The following EML1 variants were observed in gnomAD, a reference collection of about 807,000 sequenced individuals.
The protein encoded by EML1 is echinoderm microtubule-associated protein-like 1.
In EML1, 27 loss-of-function variants were observed where a neutral mutation model predicts 110.4. The observed-to-expected ratio is 0.24, with a 90% CI of 0.18 to 0.34. The LOEUF is 0.34. Among genes scored for constraint, EML1 ranks in the 10% least tolerant of loss-of-function variants. The pLI is 1.00. For missense variants in EML1, 741 were observed against 1,030.9 expected, an observed-to-expected ratio of 0.72 and a Z score of 3.85; for synonymous variants, 344 against 385.8, an observed-to-expected ratio of 0.89 and a Z score of 1.27.
intron 1 of EML1, among the ~76,000 whole-genome samples, chr14:99,754,828 C>T (rs1400416654): frequency 6.6e-6 from 1 of 152,172 alleles, no homozygotes; most frequent in African/African-American, 2.4e-5. Context: ...CCAGGTCATG[C>T]CTGTGAAGCT....
chr14:99,904,386 C>A (rs755372470), intron 9 of EML1, among the ~76,000 whole-genome samples: 1 of 152,048 alleles, frequency 6.6e-6, no homozygotes, highest in Non-Finnish European at 1.5e-5. Flanking sequence ...AAAAAAAAAT[C>A]CACATTTCCA....
upstream of EML1, among the ~76,000 whole-genome samples, chr14:99,768,379 C>T (rs1231271328): frequency 6.6e-6 from 1 of 152,156 alleles, no homozygotes. Context: ...GGGGTGGTGA[C>T]GTCTGTGGCA....
chr14:99,869,411 T>C lies in EML1; in HGVS notation c.383+3765T>C, dbSNP rs572310123. ...ACTTAATCCATAAATGTGGTTTGTG[T>C]CCTGACTCCTCTGCCCATTGTTTCC... On this transcript the variant is annotated intron_variant, in intron 3 of 21. Coordinates refer to ENST00000262233, the MANE Select transcript of EML1 (RefSeq NM_004434.3). Among the ~76,000 whole-genome samples, 80 of 152,302 alleles carry C rather than the reference T, an allele frequency of 5.3e-4. 1 individual carries two copies. Among genetic ancestry groups the C allele is most frequent in the African/African-American group, 1.9e-3 (78 of 41,564 alleles).
At chr14:99,908,549 C>T (rs960452907) in intron 10 of EML1, among the ~76,000 whole-genome samples, 8 of 152,194 alleles carry the variant, frequency 5.3e-5, no homozygotes, top group Non-Finnish European at 1.0e-4. Context: ...TGTTTAAGTT[C>T]TTCTTGCTAC....
At chr14:99,796,494 T>C (rs2139672375) in intron 1 of EML1, among the ~76,000 whole-genome samples, 1 of 151,600 alleles carries the variant, frequency 6.6e-6, no homozygotes, top group Middle Eastern at 3.4e-3. Context: ...CACAAGCTTT[T>C]TTTTTTTTTT....
At chr14:99,810,795 T>C (rs1316015270) in intron 1 of EML1, among the ~76,000 whole-genome samples, 2 of 152,228 alleles carry the variant, frequency 1.3e-5, no homozygotes, top group African/African-American at 4.8e-5. Context: ...ACATATTACA[T>C]GTTTCAAAAT....
Position 99,894,690 on chromosome 14 carries a change from T to C in EML1, c.609T>C (p.Asp203=). The change falls in exon 6 of 22, where the codon GAT becomes GAC. Residue 203 remains aspartate (D), a synonymous_variant. Coordinates refer to ENST00000262233, the MANE Select transcript of EML1 (RefSeq NM_004434.3). Reference sequence around the variant, plus strand: ...CTGTTACCATGTACATGCCCAAAGATCAAGTGGATTCTTACAGCTTGGAAG... The same window carrying C: ...CTGTTACCATGTACATGCCCAAAGACCAAGTGGATTCTTACAGCTTGGAAG... ...GRPVTMYMPK[D]QVDSYSLEAK... The C allele has an allele frequency of 6.2e-7, 1 of 1,613,864 alleles. No individual in the cohort carries two copies. The highest frequency in any genetic ancestry group is 8.5e-7 in the Non-Finnish European group (1 of 1,179,890).
intron 1 of EML1, among the ~76,000 whole-genome samples, chr14:99,847,845 G>A (rs1374558896): frequency 6.6e-6 from 1 of 150,914 alleles, no homozygotes; most frequent in East Asian, 1.9e-4. Flanking sequence ...TATTTCCATG[G>A]TATATATTTT....
chr14:99,849,554 T>C (rs1357634420), intron 1 of EML1, among the ~76,000 whole-genome samples: 1 of 151,712 alleles, frequency 6.6e-6, no homozygotes, highest in East Asian at 1.9e-4. Context: ...TATTTATTTA[T>C]TTGTTTATTT....
At chr14:99,911,965 A>C (rs2140054330) in intron 13 of EML1, among the ~76,000 whole-genome samples, 1 of 150,574 alleles carries the variant, frequency 6.6e-6, no homozygotes, top group East Asian at 2.0e-4. Flanking sequence ...GTGTGATCAC[A>C]GTTTACTGCA....
In EML1 at chr14:99,858,410, C is replaced by T. The variant is rs192216279; in HGVS notation, c.251-7104C>T. 7.1e-4 allele frequency among the ~76,000 whole-genome samples: 108 copies of T among 152,234 alleles called. 1 individual carries two copies. Among genetic ancestry groups the T allele is most frequent in the African/African-American group, 2.5e-3 (103 of 41,522 alleles). ...ATGTTGGTCAGGCTGGTCGTGAACT[C>T]CCAGCCTCAGGTGATTCACCCACCT... On this transcript the variant is annotated intron_variant, in intron 2 of 21. Transcript: ENST00000262233.
chr14:99,930,686 A>G (rs1157847086), intron 17 of EML1, among the ~76,000 whole-genome samples: 1 of 152,210 alleles, frequency 6.6e-6, no homozygotes, highest in African/African-American at 2.4e-5. Flanking sequence ...GCATGTCGAG[A>G]ATCTTATAGA....
chr14:99,928,704 G>A (rs1854314106), intron 17 of EML1, among the ~76,000 whole-genome samples: 1 of 152,150 alleles, frequency 6.6e-6, no homozygotes. Context: ...CTTATTGACA[G>A]CGTCAACTCT....
At chr14:99,823,472 G>A (rs1337895034) in intron 1 of EML1, among the ~76,000 whole-genome samples, 1 of 152,002 alleles carries the variant, frequency 6.6e-6, no homozygotes, top group Non-Finnish European at 1.5e-5. Context: ...GAATTTCTGT[G>A]ATCTATAAAA....
chr14:99,875,659 C>T (rs964189866), intron 3 of EML1, among the ~76,000 whole-genome samples: 1 of 152,110 alleles, frequency 6.6e-6, no homozygotes, highest in Non-Finnish European at 1.5e-5. Flanking sequence ...CTCCCAGGGC[C>T]CCGGCAGCTG....
At chr14:99,786,413 G>T (rs1400140021) in intron 1 of EML1, among the ~76,000 whole-genome samples, 1 of 152,216 alleles carries the variant, frequency 6.6e-6, no homozygotes, top group Non-Finnish European at 1.5e-5. Context: ...TTTACTCACT[G>T]CCAACTACGT....
chr14:99,859,023 A>C (rs1322216907), intron 2 of EML1, among the ~76,000 whole-genome samples: 2 of 152,230 alleles, frequency 1.3e-5, no homozygotes, highest in Admixed American at 6.5e-5. Flanking sequence ...ATATCAAAAA[A>C]ATGCATTAGT....
chr14:99,825,522 G>C lies in EML1; in HGVS notation c.68-25331G>C, dbSNP rs147415461. On this transcript the variant is annotated intron_variant, in intron 1 of 21. Coordinates refer to ENST00000262233, the MANE Select transcript of EML1 (RefSeq NM_004434.3). ...GGGGCAGAACTGAGTGTCCTAACTC[G>C]AGACTCAGCCCTTTCTACCACATCT... 1.4e-4 allele frequency among the ~76,000 whole-genome samples: 21 copies of C among 152,182 alleles called. No homozygotes were observed. In the East Asian group the frequency reaches 3.7e-3, roughly 27 times the overall value.
intron 1 of EML1, among the ~76,000 whole-genome samples, chr14:99,774,525 A>G (rs1047092352): frequency 6.6e-6 from 1 of 152,104 alleles, no homozygotes; most frequent in Non-Finnish European, 1.5e-5. Flanking sequence ...AGACCTCCCC[A>G]TATCCACCCA....
Sources: gnomAD v4.1 joint callset for allele counts (sites outside exome capture counted in the v4.1 genomes callset) on GRCh38, gnomAD v4.1.1 for gene constraint, MANE v1.5 for transcripts, NCBI Gene and HGNC (gene_info 2026-07-23, HGNC 2026-07-21) for gene names.